Variants in SREBF2 observed in about 807,000 individuals in gnomAD.
SREBF2 encodes sterol regulatory element binding transcription factor 2.
SREBF2 carries 55 observed loss-of-function variants against 113.1 expected under a neutral mutation model. The observed-to-expected ratio is 0.49, with a 90% CI of 0.39 to 0.61. The LOEUF (loss-of-function observed/expected upper bound fraction) is 0.61, where lower values mean the gene tolerates loss of function less well. SREBF2 is among the 20% of genes least tolerant of loss of function. SREBF2 has a pLI of 0.00. For missense variants in SREBF2, 1,349 were observed against 1,487.4 expected, an observed-to-expected ratio of 0.91 and a Z score of 1.53; for synonymous variants, 593 against 605.7, an observed-to-expected ratio of 0.98 and a Z score of 0.31.
At position 41,893,102 on chromosome 22, in the gene SREBF2, C is replaced by T. The variant is rs2077379985; in HGVS notation, c.2209-15C>T. ...TGCCACCTTGGTGTTACCCCTGGTC[C>T]TTGTCCTTCCACAGAGCTACTTCCT... is the stretch of plus-strand genomic sequence containing the variant. On this transcript the variant is annotated splice_polypyrimidine_tract_variant and intron_variant, in intron 11 of 18. Coordinates refer to ENST00000361204, the MANE Select transcript of SREBF2 (RefSeq NM_004599.4). 7.4e-6 allele frequency: 12 copies of T among 1,612,396 alleles called. No individual in the cohort carries two copies. Among genetic ancestry groups the T allele is most frequent in the Non-Finnish European group, 9.3e-6 (11 of 1,180,026 alleles).
At chr22:41,850,449 CAAA>C (rs766008584) in intron 1 of SREBF2, among the ~76,000 whole-genome samples, 4 of 124,166 alleles carry the variant, frequency 3.2e-5, no homozygotes, top group Admixed American at 8.3e-5. Context: ...GACTCCATCT[CAAA>C]AAAAAAAAAA....
At chr22:41,873,281 T>C (rs920826060) in intron 4 of SREBF2, among the ~76,000 whole-genome samples, 1 of 152,194 alleles carries the variant, frequency 6.6e-6, no homozygotes, top group Non-Finnish European at 1.5e-5. Flanking sequence ...GAGACCTCCA[T>C]GGTTGGCCTA....
chr22:41,901,868 T>G (rs2077468025), intron 16 of SREBF2, among the ~76,000 whole-genome samples: 1 of 152,116 alleles, frequency 6.6e-6, no homozygotes, highest in African/African-American at 2.4e-5. Context: ...AGCAGCTCTG[T>G]GGTAGGAAAG....
intron 4 of SREBF2, among the ~76,000 whole-genome samples, chr22:41,873,201 A>AT (rs2077163046): frequency 6.6e-6 from 1 of 152,184 alleles, no homozygotes. Flanking sequence ...CCGTCTCAAA[A>AT]AAAATAAAAT....
At chr22:41,882,222 A>G (rs2077252928) in intron 10 of SREBF2, among the ~76,000 whole-genome samples, 1 of 152,280 alleles carries the variant, frequency 6.6e-6, no homozygotes, top group Middle Eastern at 3.4e-3. Context: ...CATTGGACTG[A>G]TGGATGGGGA....
In SREBF2 at chr22:41,880,801, C is replaced by T; in HGVS notation, c.1847C>T (p.Ala616Val). The T allele has an allele frequency of 6.2e-7, 1 of 1,614,158 alleles. No individual in the cohort carries two copies. The highest frequency in any genetic ancestry group is 8.5e-7 in the Non-Finnish European group (1 of 1,180,038). Residue 616 changes from alanine (A) to valine (V), a missense_variant, in exon 10 of 19, where the codon GCC (alanine) becomes GTC (valine). Ala to Val is a moderately conservative substitution (Grantham distance 64). This residue lies in a region of SREBF2 where 699 missense variants were observed against 843.3 expected (regional missense o/e 0.83). Transcript: ENST00000361204. Reference sequence around the variant, plus strand: ...CTGCCCACCTCCCGCCTGGACCTGGCCTGCAGCCTCTCCTGGAACGTGATC... The same window carrying T: ...CTGCCCACCTCCCGCCTGGACCTGGTCTGCAGCCTCTCCTGGAACGTGATC... ...RALPTSRLDL[A>V]CSLSWNVIRY...
intron 4 of SREBF2, among the ~76,000 whole-genome samples, chr22:41,873,499 C>G (rs2077165259): frequency 6.6e-6 from 1 of 152,134 alleles, no homozygotes; most frequent in African/African-American, 2.4e-5. Context: ...GACAGCAAAG[C>G]AGAAATCATA....
chr22:41,840,527 C>T (rs904254311), intron 1 of SREBF2, among the ~76,000 whole-genome samples: 1 of 152,214 alleles, frequency 6.6e-6, no homozygotes, highest in African/African-American at 2.4e-5. Context: ...ATTTAGGTAA[C>T]TCTTCGAGGC....
In SREBF2 at chr22:41,906,198, T is replaced by A; in HGVS notation, c.*538T>A. ...CTCCCTGGGTCTGCGTTCCCTCCCC[T>A]GGGCCTGACTGAGCCTGCTCATTGT... is the stretch of plus-strand genomic sequence containing the variant. On this transcript the variant is annotated 3_prime_UTR_variant, in exon 19 of 19. Coordinates refer to ENST00000361204, the MANE Select transcript of SREBF2 (RefSeq NM_004599.4). 1 of 354,372 alleles carries A rather than the reference T, an allele frequency of 2.8e-6. No homozygotes were observed. The highest frequency in any genetic ancestry group is 5.5e-6 in the Non-Finnish European group (1 of 180,514). The allele number at this position is 354,372 out of a possible 1,614,324, so 22.0% of individuals were successfully genotyped here. A position where few individuals can be genotyped will look rare whatever the true frequency, so the allele number is the denominator to read the frequency against.
intron 1 of SREBF2, among the ~76,000 whole-genome samples, chr22:41,860,698 G>A (rs1385164876): frequency 6.6e-6 from 1 of 152,062 alleles, no homozygotes; most frequent in Non-Finnish European, 1.5e-5. Context: ...AGACAACATA[G>A]GGAGACTCTG....
chr22:41,839,463 A>G (rs1291894771), intron 1 of SREBF2, among the ~76,000 whole-genome samples: 1 of 152,192 alleles, frequency 6.6e-6, no homozygotes, highest in Non-Finnish European at 1.5e-5. Context: ...TGACAAGGCC[A>G]TGCAAGGAGT....
chr22:41,904,787 G>C (rs1307759578), intron 17 of SREBF2, 76 bp from the exon 18 acceptor site: 1 of 1,209,516 alleles, frequency 8.3e-7, no homozygotes, highest in East Asian at 2.5e-5. Flanking sequence ...AGGCGAGATG[G>C]CTCAGGGAGA....
chr22:41,890,874 C>T (rs565445889), intron 11 of SREBF2, among the ~76,000 whole-genome samples: 43 of 151,408 alleles, frequency 2.8e-4, no homozygotes, highest in Non-Finnish European at 1.2e-4. Context: ...CACCACTGCA[C>T]TCCAGCCTGG....
chr22:41,870,591 A>C (rs991060082), intron 3 of SREBF2, among the ~76,000 whole-genome samples: 9 of 135,720 alleles, frequency 6.6e-5, no homozygotes, highest in African/African-American at 2.6e-4. Context: ...GCACCACTGC[A>C]CTCCAGCCTG....
intron 9 of SREBF2, among the ~76,000 whole-genome samples, chr22:41,879,619 C>T (rs974140947): frequency 1.3e-5 from 2 of 152,208 alleles, no homozygotes; most frequent in Admixed American, 1.3e-4. Flanking sequence ...GATAGAGGCA[C>T]CTTAGAGACT....
chr22:41,851,723 G>A (rs1303586878), intron 1 of SREBF2, among the ~76,000 whole-genome samples: 1 of 151,796 alleles, frequency 6.6e-6, no homozygotes, highest in African/African-American at 2.4e-5. Context: ...TTGAACTCCT[G>A]ACTGCAGGTG....
chr22:41,859,230 G>GA (rs2077003743), intron 1 of SREBF2, among the ~76,000 whole-genome samples: 2 of 152,124 alleles, frequency 1.3e-5, no homozygotes, highest in Non-Finnish European at 2.9e-5. Context: ...ACTTTGGCTT[G>GA]AAAAACACCT....
intron 1 of SREBF2, among the ~76,000 whole-genome samples, chr22:41,859,887 GC>G (rs1408692194): frequency 1.5e-5 from 2 of 133,030 alleles, no homozygotes; most frequent in Admixed American, 1.7e-4. Context: ...CTCGGTGCAA[GC>G]TCCGCCTCCC....
intron 1 of SREBF2, among the ~76,000 whole-genome samples, chr22:41,864,261 TACACACACAC>T (rs1158750306): frequency 1.6e-4 from 8 of 51,014 alleles, no homozygotes; most frequent in Admixed American, 6.6e-4. Context: ...TATATATATA[TACACACACAC>T]ACACACACAC....
Sources: gnomAD v4.1 joint callset for allele counts (sites outside exome capture counted in the v4.1 genomes callset) on GRCh38, gnomAD v4.1.1 for gene constraint, gnomAD v4.1.1 regional missense constraint, MANE v1.5 for transcripts, NCBI Gene and HGNC (gene_info 2026-07-23, HGNC 2026-07-21) for gene names.